MON2: variants seen among roughly 807,000 people sequenced by gnomAD.
MON2 encodes the protein MON2 regulator of endosome-to-Golgi trafficking.
Under a neutral mutation model 208.6 loss-of-function variants are expected in MON2, and 84 were observed. That is an observed-to-expected ratio of 0.40 (90% CI 0.34 to 0.48). The LOEUF is 0.48. MON2 is among the 20% of genes least tolerant of loss of function. The probability of loss-of-function intolerance (pLI) is 0.59; values close to 1 mark genes in which losing one functional copy is unlikely to be tolerated. For missense variants in MON2, 1,611 were observed against 2,015.4 expected, an observed-to-expected ratio of 0.80 and a Z score of 3.84; for synonymous variants, 660 against 694.0, an observed-to-expected ratio of 0.95 and a Z score of 0.77.
chr12:62,528,826 C>G (rs1234636216), intron 11 of MON2, among the ~76,000 whole-genome samples: 1 of 152,176 alleles, frequency 6.6e-6, no homozygotes, highest in Non-Finnish European at 1.5e-5. Flanking sequence ...AGATATTTAT[C>G]TCCCCATTTG....
intron 3 of MON2, among the ~76,000 whole-genome samples, chr12:62,494,622 AT>A (rs532901300): frequency 3.3e-5 from 5 of 151,898 alleles, no homozygotes; most frequent in Admixed American, 1.3e-4. Context: ...TATGGGTTGC[AT>A]TTTTTTTCTG....
At chr12:62,585,246 C>T (rs371896648) in intron 32 of MON2, 48 bp from the exon 33 acceptor site, 19 of 1,415,836 alleles carry the variant, frequency 1.3e-5, no homozygotes, top group Non-Finnish European at 1.9e-5. Flanking sequence ...ATCATTAAAG[C>T]TCATTGATTT....
chr12:62,589,110 G>T (rs185517580), intron 34 of MON2, among the ~76,000 whole-genome samples: 39 of 152,270 alleles, frequency 2.6e-4, no homozygotes, highest in African/African-American at 8.2e-4. Context: ...AGTATGGTTT[G>T]TTGGACCAGC....
chr12:62,544,115 G>A (rs949855198), intron 20 of MON2, among the ~76,000 whole-genome samples: 1 of 152,110 alleles, frequency 6.6e-6, no homozygotes, highest in African/African-American at 2.4e-5. Flanking sequence ...TAGTTCTTTT[G>A]TGTTATTTAG....
intron 2 of MON2, chr12:62,490,024 C>A (rs1256169056): frequency 8.3e-7 from 1 of 1,210,054 alleles, no homozygotes; most frequent in Non-Finnish European, 1.1e-6. Context: ...TAGTTTAATT[C>A]TTTTTTTCCA....
rs372070778 is a variant in MON2 at position 62,571,010 on chromosome 12, G to A, written c.4324-382G>A. 3.3e-5 allele frequency among the ~76,000 whole-genome samples: 5 copies of A among 152,144 alleles called. No individual in the cohort carries two copies. In the East Asian group the frequency reaches 5.8e-4, roughly 18 times the overall value. On this transcript the variant is annotated intron_variant, in intron 29 of 34. Coordinates refer to ENST00000393630, the MANE Select transcript of MON2 (RefSeq NM_015026.3). ...CTCCCAAAGTGCTGCGATTACAGGC[G>A]TGAGCCACCACGCTTGGCCAGAATT...
chr12:62,474,235 C>T (rs1226037643), intron 1 of MON2, among the ~76,000 whole-genome samples: 3 of 151,930 alleles, frequency 2.0e-5, no homozygotes, highest in African/African-American at 4.8e-5. Context: ...TCTCCTGCCT[C>T]AGCCTCCTGA....
intron 33 of MON2, among the ~76,000 whole-genome samples, chr12:62,586,466 C>T (rs2075223351): frequency 6.6e-6 from 1 of 152,176 alleles, no homozygotes; most frequent in South Asian, 2.1e-4. Flanking sequence ...CAATTTTTAG[C>T]ATTTTTAAAT....
In MON2 at chr12:62,532,551, G is replaced by A. The variant is rs2072704847; in HGVS notation, c.1514G>A (p.Gly505Glu). The A allele has an allele frequency of 1.2e-6, 2 of 1,614,050 alleles. No individual in the cohort carries two copies. The highest frequency in any genetic ancestry group is 2.2e-5 in the East Asian group (1 of 44,858). ...LVRGITSMIE[G>E]ELGELETECQ... The stretch of plus-strand genomic sequence containing the variant: ...CGTGGAATCACAAGTATGATTGAAG[G>A]AGAGCTAGGAGAGCTTGAAACAGAA... Residue 505 changes from glycine to glutamate, a missense_variant, in exon 12 of 35, where the codon GGA (glycine) becomes GAA (glutamate). Coordinates refer to ENST00000393630, the MANE Select transcript of MON2 (RefSeq NM_015026.3).
chr12:62,498,405 G>C (rs1469577737), intron 4 of MON2, among the ~76,000 whole-genome samples: 1 of 152,096 alleles, frequency 6.6e-6, no homozygotes, highest in Non-Finnish European at 1.5e-5. Flanking sequence ...TTTGTCAATT[G>C]TGGCCATAGT....
intron 1 of MON2, among the ~76,000 whole-genome samples, chr12:62,474,222 G>A (rs1381503055): frequency 4.0e-5 from 6 of 150,788 alleles, no homozygotes; most frequent in Non-Finnish European, 7.4e-5. Context: ...AGGTTCAAGC[G>A]ATTCTCCTGC....
chr12:62,525,920 T>TTTTC lies in MON2; in HGVS notation c.1247-25_1247-22dup, dbSNP rs1419592417. On this transcript the variant is annotated intron_variant, in intron 10 of 34. Coordinates refer to ENST00000393630, the MANE Select transcript of MON2 (RefSeq NM_015026.3). ...TGTAGTCAAGTAGTAAATTAGTGTCTTTTCTTTTTTTCCCTTCTTCTCTAA... is the reference window on the plus strand; with the variant it reads ...TGTAGTCAAGTAGTAAATTAGTGTCTTTTCTTTCTTTTTTTCCCTTCTTCTCTAA... 1.0e-5 allele frequency: 16 copies of TTTTC among 1,603,136 alleles called. No homozygotes were observed. The East Asian group carries it at 3.6e-4, about 36-fold the overall frequency.
intron 20 of MON2, chr12:62,544,691 T>C: frequency 1.6e-6 from 2 of 1,287,372 alleles, no homozygotes; most frequent in Non-Finnish European, 2.1e-6. Context: ...TATGAAATCC[T>C]TTCTTCTCTG....
chr12:62,510,593 T>C (rs146140992), intron 8 of MON2, among the ~76,000 whole-genome samples: 157 of 152,312 alleles, frequency 1.0e-3, no homozygotes, highest in African/African-American at 3.7e-3. Context: ...CATCCTTTCA[T>C]GATAAAAACA....
At chr12:62,470,555 T>C (rs2068745764) in intron 1 of MON2, 1 of 187,518 alleles carries the variant, frequency 5.3e-6, no homozygotes, top group Admixed American at 6.5e-5. Flanking sequence ...ATGAAATTTT[T>C]TCCTTTGTTT....
Position 62,593,650 on chromosome 12 carries a change from C to G in MON2, c.*901C>G, listed in dbSNP as rs1375333930. On this transcript the variant is annotated 3_prime_UTR_variant, in exon 35 of 35. Coordinates refer to ENST00000393630, the MANE Select transcript of MON2 (RefSeq NM_015026.3). ...GAAGTCTGTCTGTTTTTTATATTGG[C>G]TGTCTGGATTTTAAAGACTTTTCAT... 1.3e-5 allele frequency: 2 copies of G among 152,554 alleles called. No individual in the cohort carries two copies. Among genetic ancestry groups the G allele is most frequent in the Admixed American group, 6.5e-5 (1 of 15,280 alleles). The allele number at this position is 152,554 out of a possible 1,614,324, so 9.5% of individuals were successfully genotyped here. A position where few individuals can be genotyped will look rare whatever the true frequency, so the allele number is the denominator to read the frequency against.
At chr12:62,512,987 G>A (rs372157297) in intron 8 of MON2, among the ~76,000 whole-genome samples, 6 of 152,228 alleles carry the variant, frequency 3.9e-5, no homozygotes, top group East Asian at 1.9e-4. Context: ...CCTTTCAGTC[G>A]GCTGGAGTGG....
chr12:62,583,529 G>A (rs2075080407), intron 32 of MON2, among the ~76,000 whole-genome samples: 1 of 151,988 alleles, frequency 6.6e-6, no homozygotes, highest in Non-Finnish European at 1.5e-5. Flanking sequence ...ATTAAAAATA[G>A]TCAGTATCAA....
At chr12:62,586,001 A>C (rs1429159329) in intron 33 of MON2, among the ~76,000 whole-genome samples, 1 of 152,184 alleles carries the variant, frequency 6.6e-6, no homozygotes, top group Non-Finnish European at 1.5e-5. Context: ...ACCTAAACTG[A>C]TTTATTTCTC....
Sources: gnomAD v4.1 joint callset for allele counts (sites outside exome capture counted in the v4.1 genomes callset) on GRCh38, gnomAD v4.1.1 for gene constraint, MANE v1.5 for transcripts, NCBI Gene and HGNC (gene_info 2026-07-23, HGNC 2026-07-21) for gene names.